The following MTUS2 variants were observed in gnomAD, a reference collection of about 807,000 sequenced individuals.
MTUS2 encodes the protein microtubule associated scaffold protein 2, also known as microtubule-associated tumor suppressor candidate 2.
A neutral mutation model predicts 114.1 loss-of-function variants in MTUS2; 40 were observed. The ratio of observed to expected loss-of-function variants is 0.35; its 90% confidence interval spans 0.27 to 0.46. The LOEUF (loss-of-function observed/expected upper bound fraction) is 0.46, where lower values mean the gene tolerates loss of function less well. MTUS2 is among the 20% of genes least tolerant of loss of function. The probability of loss-of-function intolerance (pLI) is 1.00; values close to 1 mark genes in which losing one functional copy is unlikely to be tolerated. For missense variants in MTUS2, 1,679 were observed against 1,705.4 expected (o/e 0.98, Z 0.27); for synonymous variants, 688 against 672.0 (o/e 1.02, Z -0.37).
In MTUS2 at chr13:29,100,958, C is replaced by T. The variant is rs760902742; in HGVS notation, c.2632C>T (p.Arg878Trp). ...GGACAGTGCACAGCCAGAGCAGGGC[C>T]GGCCAGCCACCCGTAAGTGGGGTGG... The part of the protein sequence containing the change: ...SGDSAQPEQG[R>W]PATRSTFGNE... The change falls in exon 5 of 16, where the codon CGG (arginine) becomes TGG (tryptophan). Residue 878 changes from arginine (R) to tryptophan (W), a missense_variant. Around this residue, in one of 3 missense-constraint regions of MTUS2, gnomAD observed 822 missense variants for 899.7 expected, o/e 0.91. Transcript: ENST00000612955. The T allele has an allele frequency of 1.4e-5, 22 of 1,562,246 alleles. No homozygotes were observed. The highest frequency in any genetic ancestry group is 1.2e-4 in the African/African-American group (9 of 73,826).
chr13:29,133,101 T>G (rs552274174), intron 5 of MTUS2, among the ~76,000 whole-genome samples: 60 of 152,294 alleles, frequency 3.9e-4, no homozygotes, highest in African/African-American at 1.4e-3. Flanking sequence ...TTGATTTAAT[T>G]TTCATAATGA....
In MTUS2 at chr13:29,033,874, A is replaced by C. The variant is rs772172671; in HGVS notation, c.2206-11A>C. ...AAGGTCTCTGATTGAGTTTTTGTTCATTTATCATAGGTTACAGACCACCCT... is the reference window on the plus strand; with the variant it reads ...AAGGTCTCTGATTGAGTTTTTGTTCCTTTATCATAGGTTACAGACCACCCT... On this transcript the variant is annotated splice_polypyrimidine_tract_variant and intron_variant, in intron 3 of 15. Coordinates refer to ENST00000612955, the MANE Select transcript of MTUS2 (RefSeq NM_001033602.4). The C allele has an allele frequency of 6.2e-7, 1 of 1,613,494 alleles. No individual in the cohort carries two copies. The highest frequency in any genetic ancestry group is 1.3e-5 in the African/African-American group (1 of 74,894).
chr13:29,389,720 CATA>C (rs1873131588), intron 8 of MTUS2, among the ~76,000 whole-genome samples: 1 of 101,370 alleles, frequency 9.9e-6, no homozygotes, highest in Non-Finnish European at 2.2e-5. Context: ...TGTATATATA[CATA>C]CATATGTGTG....
intron 4 of MTUS2, among the ~76,000 whole-genome samples, chr13:29,049,992 A>G (rs1479573956): frequency 6.6e-6 from 1 of 152,162 alleles, no homozygotes; most frequent in African/African-American, 2.4e-5. Context: ...TTTCCCGCCA[A>G]CATGGAACCC....
chr13:29,139,556 G>A (rs1892127545), intron 5 of MTUS2, among the ~76,000 whole-genome samples: 2 of 92,576 alleles, frequency 2.2e-5, no homozygotes, highest in Middle Eastern at 4.9e-3. Context: ...GTCTGTTGAT[G>A]GACTTTGTTC....
intron 1 of MTUS2, among the ~76,000 whole-genome samples, chr13:28,826,204 C>G (rs1461886762): frequency 6.6e-6 from 1 of 152,012 alleles, no homozygotes; most frequent in Non-Finnish European, 1.5e-5. Context: ...GGTTATTTTC[C>G]TTGGATTTTC....
chr13:29,231,507 A>G (rs1896324362), intron 5 of MTUS2, among the ~76,000 whole-genome samples: 1 of 152,200 alleles, frequency 6.6e-6, no homozygotes, highest in Admixed American at 6.5e-5. Flanking sequence ...CACGTTTTGC[A>G]CTAATTCTTC....
intron 5 of MTUS2, among the ~76,000 whole-genome samples, chr13:29,210,439 T>C (rs1172579105): frequency 6.6e-6 from 1 of 152,160 alleles, no homozygotes; most frequent in Non-Finnish European, 1.5e-5. Context: ...TTCAGAGATT[T>C]CTCCTTGGTT....
At position 29,390,197 on chromosome 13, in the gene MTUS2, C is replaced by G. The variant is rs1384552143; in HGVS notation, c.3117+30724C>G. 2.0e-5 allele frequency among the ~76,000 whole-genome samples: 3 copies of G among 149,828 alleles called. No homozygotes were observed. In the East Asian group the frequency reaches 6.0e-4, roughly 30 times the overall value. On this transcript the variant is annotated intron_variant, in intron 8 of 15. Transcript: ENST00000612955. ...GTGTGTTTATGAATATATATTTTTT[C>G]TAATGGAGTGAAAGGACTAGACATA...
rs145273549 is a variant in MTUS2, at chr13:29,231,238, C to T, written c.2645-50466C>T. Among the ~76,000 whole-genome samples the T allele has an allele frequency of 3.8e-3, 585 of 152,248 alleles. 5 individuals carry two copies. Among genetic ancestry groups the T allele is most frequent in the African/African-American group, 0.012 (499 of 41,548 alleles). Reference sequence around the variant, plus strand: ...TATAAACATGTTATGTTTTATAGCACGTATGAAATTACCATCCCCAGGAGG... The same window carrying T: ...TATAAACATGTTATGTTTTATAGCATGTATGAAATTACCATCCCCAGGAGG... On this transcript the variant is annotated intron_variant, in intron 5 of 15. Transcript: ENST00000612955.
chr13:29,253,375 A>G (rs1467712975), intron 5 of MTUS2, among the ~76,000 whole-genome samples: 1 of 151,932 alleles, frequency 6.6e-6, no homozygotes, highest in Non-Finnish European at 1.5e-5. Context: ...TCAGTGAGCC[A>G]AGATCATGCC....
intron 9 of MTUS2, among the ~76,000 whole-genome samples, chr13:29,459,081 G>T (rs958303208): frequency 6.6e-6 from 1 of 151,616 alleles, no homozygotes; most frequent in Non-Finnish European, 1.5e-5. Context: ...AGTTGCACAC[G>T]TCACTTCTTC....
At chr13:29,055,202 A>T (rs1049270538) in intron 4 of MTUS2, among the ~76,000 whole-genome samples, 4 of 152,106 alleles carry the variant, frequency 2.6e-5, no homozygotes, top group Non-Finnish European at 5.9e-5. Context: ...TTCACATTTT[A>T]AAGCTCTATT....
chr13:29,291,839 G>T (rs1412067478), intron 6 of MTUS2, among the ~76,000 whole-genome samples: 1 of 151,630 alleles, frequency 6.6e-6, no homozygotes, highest in Non-Finnish European at 1.5e-5. Context: ...GGAAAACAAA[G>T]CAGAAACTCA....
chr13:29,129,688 G>A (rs758650019), intron 5 of MTUS2, among the ~76,000 whole-genome samples: 5 of 152,126 alleles, frequency 3.3e-5, no homozygotes, highest in Non-Finnish European at 5.9e-5. Context: ...GTGATGATAC[G>A]TGATTGTGAG....
In MTUS2 at chr13:29,462,372, C is replaced by T. The variant is rs1021718137; in HGVS notation, c.3185-17778C>T. 2.0e-5 allele frequency among the ~76,000 whole-genome samples: 3 copies of T among 152,292 alleles called. No homozygotes were observed. The South Asian group carries it at 6.2e-4, about 32-fold the overall frequency. On this transcript the variant is annotated intron_variant, in intron 9 of 15. Coordinates refer to ENST00000612955, the MANE Select transcript of MTUS2 (RefSeq NM_001033602.4). ...GGGCTTTAAGCAAAGGAGCAACATG[C>T]TCCATCTATAGTCTTCAGAGTCGCT...
intron 9 of MTUS2, among the ~76,000 whole-genome samples, chr13:29,451,627 C>G (rs180695704): frequency 1.7e-3 from 259 of 151,978 alleles, no homozygotes; most frequent in African/African-American, 6.0e-3. Flanking sequence ...TCTTGTTGCC[C>G]AGGCTAGAAT....
Position 28,904,202 on chromosome 13 carries a change from C to T in MTUS2, c.-243+64352C>T, listed in dbSNP as rs1051205118. On this transcript the variant is annotated intron_variant, in intron 2 of 15. Coordinates refer to ENST00000612955, the MANE Select transcript of MTUS2 (RefSeq NM_001033602.4). Reference sequence around the variant, plus strand: ...TAGGTTGCGAAAATTTTCTCCCATTCTGTAGGTTGCCTGTTCACTCTGATG... The same window carrying T: ...TAGGTTGCGAAAATTTTCTCCCATTTTGTAGGTTGCCTGTTCACTCTGATG... Among the ~76,000 whole-genome samples, 42 of 152,168 alleles carry T rather than the reference C, an allele frequency of 2.8e-4. 1 individual carries two copies. Among genetic ancestry groups the T allele is most frequent in the South Asian group, 2.3e-3 (11 of 4,810 alleles).
chr13:28,970,732 C>T (rs1883818195), intron 2 of MTUS2, among the ~76,000 whole-genome samples: 1 of 152,162 alleles, frequency 6.6e-6, no homozygotes, highest in Non-Finnish European at 1.5e-5. Context: ...GCCATATTCC[C>T]CTCCATCCCC....
Sources: allele counts gnomAD v4.1 joint callset (sites outside exome capture counted in the v4.1 genomes callset), GRCh38; gene constraint gnomAD v4.1.1; regional missense constraint gnomAD v4.1.1; transcripts MANE v1.5; gene names NCBI Gene and HGNC (gene_info 2026-07-23, HGNC 2026-07-21).